CCDC178: variants seen among roughly 807,000 people sequenced by gnomAD.
CCDC178 encodes the protein coiled-coil domain containing 178.
In CCDC178, 126 loss-of-function variants were observed where a neutral mutation model predicts 117.4. That is an observed-to-expected ratio of 1.07 (90% CI 0.93 to 1.24). CCDC178 has a LOEUF of 1.24. Ranked by LOEUF, CCDC178 falls within the 50% of genes most tolerant of loss-of-function variation. The pLI, the probability that CCDC178 is intolerant of heterozygous loss-of-function variation, is 0.00. For synonymous variants in CCDC178, 283 were observed against 313.4 expected (o/e 0.90, Z 1.02); for missense variants, 1,030 against 986.9 (o/e 1.04, Z -0.59).
intron 14 of CCDC178, among the ~76,000 whole-genome samples, chr18:33,251,549 GCCCCAGT>G (rs1436294370): frequency 1.3e-5 from 2 of 151,606 alleles, no homozygotes; most frequent in African/African-American, 4.8e-5. Flanking sequence ...CCTCTAATTG[GCCCCAGT>G]CCCTTACAAA....
chr18:32,966,538 A>G (rs967121555), intron 22 of CCDC178, among the ~76,000 whole-genome samples: 1 of 151,906 alleles, frequency 6.6e-6, no homozygotes, highest in Non-Finnish European at 1.5e-5. Context: ...GTGTTAATTA[A>G]TATAACTTTT....
Position 33,416,479 on chromosome 18 carries a change from A to G in CCDC178, c.-22-4369T>C, listed in dbSNP as rs551303377. Among the ~76,000 whole-genome samples the G allele has an allele frequency of 3.3e-5, 5 of 152,080 alleles. No homozygotes were observed. The South Asian group carries it at 1.0e-3, about 32-fold the overall frequency. ...CCCACAAAGACTGAATCAGAAGCCT[A>G]GACTATATCTACCCTGGATAGGCTA... is the stretch of plus-strand genomic sequence containing the variant. On this transcript the variant is annotated intron_variant, in intron 2 of 22. Transcript: ENST00000383096.
At chr18:33,213,943 A>C (rs1425811292) in intron 19 of CCDC178, among the ~76,000 whole-genome samples, 3 of 152,074 alleles carry the variant, frequency 2.0e-5, no homozygotes, top group African/African-American at 7.2e-5. Flanking sequence ...GGGGCCTGGC[A>C]GTATGCCCAC....
At chr18:33,262,268 C>G (rs768121637) in intron 14 of CCDC178, among the ~76,000 whole-genome samples, 19 of 152,176 alleles carry the variant, frequency 1.2e-4, no homozygotes, top group Non-Finnish European at 2.5e-4. Context: ...ATCTCAATGA[C>G]TATCTTTCCA....
intron 14 of CCDC178, among the ~76,000 whole-genome samples, chr18:33,247,893 C>A (rs1019237912): frequency 6.6e-6 from 1 of 151,620 alleles, no homozygotes; most frequent in Non-Finnish European, 1.5e-5. Flanking sequence ...TCAGAAGGAA[C>A]AATAATAAGG....
chr18:33,179,842 T>A (rs1215478617), intron 20 of CCDC178, among the ~76,000 whole-genome samples: 5 of 152,058 alleles, frequency 3.3e-5, no homozygotes, highest in African/African-American at 7.2e-5. Flanking sequence ...AGAATATTAG[T>A]TTTAACACCG....
intron 21 of CCDC178, among the ~76,000 whole-genome samples, chr18:33,070,833 T>C (rs1449740667): frequency 2.0e-5 from 3 of 152,074 alleles, no homozygotes; most frequent in Admixed American, 6.6e-5. Flanking sequence ...CAGGAATCTA[T>C]GTAACATTAA....
intron 21 of CCDC178, among the ~76,000 whole-genome samples, chr18:32,992,987 G>A (rs1033702492): frequency 6.6e-6 from 1 of 152,066 alleles, no homozygotes; most frequent in African/African-American, 2.4e-5. Flanking sequence ...CCAACATGGT[G>A]AAGCCCCGTC....
At chr18:33,292,109 T>A (rs2060173284) in intron 12 of CCDC178, among the ~76,000 whole-genome samples, 1 of 150,902 alleles carries the variant, frequency 6.6e-6, no homozygotes, top group Non-Finnish European at 1.5e-5. Context: ...GGAATCAGTA[T>A]GTCAAAGAGA....
Position 33,100,528 on chromosome 18 carries a change from G to A in CCDC178, c.2239-7618C>T, listed in dbSNP as rs201108250. On this transcript the variant is annotated intron_variant, in intron 20 of 22. Transcript: ENST00000383096. The stretch of plus-strand genomic sequence containing the variant: ...AGGATAAAAGGCATATCCACATAAC[G>A]ATAGTAGTTCCATGAGAGATCAGTT... Among the ~76,000 whole-genome samples, 16 of 152,064 alleles carry A rather than the reference G, an allele frequency of 1.1e-4. No homozygotes were observed. In the East Asian group the frequency reaches 1.9e-3, roughly 19 times the overall value.
intron 15 of CCDC178, among the ~76,000 whole-genome samples, chr18:33,228,441 A>G (rs1599026777): frequency 6.6e-6 from 1 of 152,226 alleles, no homozygotes; most frequent in Non-Finnish European, 1.5e-5. Context: ...TGTGGCTTGG[A>G]AAGAACTGCA....
At chr18:33,174,916 G>A (rs760415132) in intron 20 of CCDC178, among the ~76,000 whole-genome samples, 5 of 151,936 alleles carry the variant, frequency 3.3e-5, no homozygotes, top group South Asian at 2.1e-4. Flanking sequence ...GTGCAGTGGC[G>A]TGATCTCAGC....
intron 20 of CCDC178, among the ~76,000 whole-genome samples, chr18:33,148,872 C>T (rs995633009): frequency 2.6e-5 from 4 of 152,190 alleles, no homozygotes; most frequent in Non-Finnish European, 4.4e-5. Flanking sequence ...TCAACCGTCG[C>T]AGTGACAATT....
chr18:32,955,582 T>C (rs1433549611), intron 22 of CCDC178, among the ~76,000 whole-genome samples: 1 of 152,188 alleles, frequency 6.6e-6, no homozygotes, highest in Non-Finnish European at 1.5e-5. Flanking sequence ...CCTACACAGA[T>C]ATTTGATAAG....
intron 21 of CCDC178, among the ~76,000 whole-genome samples, chr18:33,003,366 T>C (rs572551689): frequency 6.6e-6 from 1 of 152,288 alleles, no homozygotes; most frequent in East Asian, 1.9e-4. Flanking sequence ...CCCAGGGATA[T>C]AAGGATGGTT....
At chr18:33,332,465 A>G (rs1354515263) in intron 10 of CCDC178, among the ~76,000 whole-genome samples, 1 of 152,118 alleles carries the variant, frequency 6.6e-6, no homozygotes, top group Non-Finnish European at 1.5e-5. Flanking sequence ...CTTTTATTTC[A>G]TTTATATATT....
At chr18:32,953,761 T>C (rs1370994887) in intron 22 of CCDC178, among the ~76,000 whole-genome samples, 1 of 152,242 alleles carries the variant, frequency 6.6e-6, no homozygotes, top group Non-Finnish European at 1.5e-5. Flanking sequence ...TTTTTCACTG[T>C]TAATATCTGC....
chr18:33,339,158 A>C (rs531206314), intron 9 of CCDC178, among the ~76,000 whole-genome samples: 19 of 152,244 alleles, frequency 1.2e-4, no homozygotes, highest in African/African-American at 4.6e-4. Flanking sequence ...AAATGGCATC[A>C]AGTAAATAAT....
At chr18:33,418,628 A>C (rs922577660) in intron 2 of CCDC178, among the ~76,000 whole-genome samples, 1 of 152,198 alleles carries the variant, frequency 6.6e-6, no homozygotes, top group Admixed American at 6.5e-5. Context: ...AGATCTGATA[A>C]AGAATTTCAG....
Sources: allele counts gnomAD v4.1 joint callset (sites outside exome capture counted in the v4.1 genomes callset), GRCh38; gene constraint gnomAD v4.1.1; transcripts MANE v1.5; gene names NCBI Gene and HGNC (gene_info 2026-07-23, HGNC 2026-07-21).